Variants in CD44 observed in about 807,000 individuals in gnomAD.
CD44 encodes the protein CD44 antigen.
Under a neutral mutation model 88.8 loss-of-function variants are expected in CD44, and 49 were observed. That is an observed-to-expected ratio of 0.55 (90% CI 0.44 to 0.70). CD44 has a LOEUF of 0.70. Ranked by LOEUF, CD44 falls within the 30% of genes least tolerant of loss-of-function variation. The pLI is 0.00. For missense variants in CD44, 883 were observed against 913.8 expected (o/e 0.97, Z 0.43); for synonymous variants, 325 against 312.3 (o/e 1.04, Z -0.43).
chr11:35,189,980 C>A lies in CD44; in HGVS notation c.582C>A (p.Ile194=). 2 of 1,614,182 alleles carry A rather than the reference C, an allele frequency of 1.2e-6. No individual in the cohort carries two copies. Among genetic ancestry groups the A allele is most frequent in the South Asian group, 2.2e-5 (2 of 91,090 alleles). Residue 194 remains isoleucine (I), a synonymous_variant, in exon 5 of 18, where the codon ATC becomes ATA. Transcript: ENST00000428726. ...SERSSTSGGY[I]FYTFSTVHPI... ...GGAGCAGCACTTCAGGAGGTTACAT[C>A]TTTTACACCTTTTCTACTGTACACC...
At position 35,211,281 on chromosome 11, in the gene CD44, A is replaced by T; in HGVS notation, c.1642A>T (p.Asn548Tyr). ...TGTCACAGGTGGAAGAAGAGACCCA[A>T]ATCATTCTGAAGGCTCAACTACTTT... Reference protein sequence around the residue: ...NDVTGGRRDPNHSEGSTTLLE... With the variant: ...NDVTGGRRDPYHSEGSTTLLE... Residue 548 changes from asparagine (N) to tyrosine (Y), a missense_variant, in exon 14 of 18, where the codon AAT becomes TAT. Physicochemically the swap from Asn to Tyr is moderately radical, Grantham distance 143. Transcript: ENST00000428726. The T allele has an allele frequency of 1.9e-6, 3 of 1,613,964 alleles. No homozygotes were observed. Among genetic ancestry groups the T allele is most frequent in the Non-Finnish European group, 2.5e-6 (3 of 1,179,878 alleles).
intron 9 of CD44, 105 bp downstream of exon 9, chr11:35,201,892 C>T: frequency 1.7e-6 from 2 of 1,173,464 alleles, no homozygotes; most frequent in South Asian, 2.9e-5. Context: ...TCTATTTCCA[C>T]TCGGTAATTT....
chr11:35,161,221 T>C (rs1942556781), intron 1 of CD44, among the ~76,000 whole-genome samples: 1 of 152,158 alleles, frequency 6.6e-6, no homozygotes, highest in South Asian at 2.1e-4. Context: ...TGCTAAATGA[T>C]TTAGGTATAT....
chr11:35,191,647 C>T (rs1052614926), intron 5 of CD44, among the ~76,000 whole-genome samples: 1 of 152,170 alleles, frequency 6.6e-6, no homozygotes, highest in African/African-American at 2.4e-5. Context: ...TAGGTCTACC[C>T]TAAAGTACCA....
chr11:35,223,790 C>T (rs1334138050), intron 17 of CD44, among the ~76,000 whole-genome samples: 2 of 152,198 alleles, frequency 1.3e-5, no homozygotes, highest in Non-Finnish European at 2.9e-5. Context: ...AAGCTGTCAA[C>T]CCATTTCTAA....
At chr11:35,189,727 G>T (rs1490684983) in intron 4 of CD44, 108 bp from the exon 5 acceptor site, 1 of 754,480 alleles carries the variant, frequency 1.3e-6, no homozygotes, top group Non-Finnish European at 2.3e-6. Context: ...ATAGATAGGT[G>T]TTTCTCATTA....
rs3794110 is a variant in CD44 at position 35,170,667 on chromosome 11, G to A, written c.68-5908G>A. Among the ~76,000 whole-genome samples the A allele has an allele frequency of 0.16, 24,535 of 152,170 alleles. 1,980 individuals carry two copies. The highest frequency in any genetic ancestry group is 0.24 in the South Asian group (1,153 of 4,820). On this transcript the variant is annotated intron_variant, in intron 1 of 17. Coordinates refer to ENST00000428726, the MANE Select transcript of CD44 (RefSeq NM_000610.4). ...GAGGGCTCAACGGAAAACATTCTTG[G>A]TTTATTTCCAGCCAGAAAGGCTTGT...
chr11:35,218,821 C>T (rs1355250165), intron 15 of CD44: 1 of 155,622 alleles, frequency 6.4e-6, no homozygotes, highest in Non-Finnish European at 1.4e-5. Flanking sequence ...CTGAGAGCCA[C>T]ACTTTGAGTA....
Position 35,201,720 on chromosome 11 carries a change from A to G in CD44, c.1086A>G (p.Glu362=). Residue 362 remains glutamate, a synonymous_variant, in exon 9 of 18, where the codon GAA becomes GAG. Transcript: ENST00000428726. ...TTAYEGNWNP[E]AHPPLIHHEH... ...CTTATGAAGGAAACTGGAACCCAGA[A>G]GCACACCCTCCCCTCATTCACCATG... 4 of 1,613,882 alleles carry G rather than the reference A, an allele frequency of 2.5e-6. No homozygotes were observed. The highest frequency in any genetic ancestry group is 3.4e-6 in the Non-Finnish European group (4 of 1,179,778).
At chr11:35,195,092 G>T (rs540412055) in intron 5 of CD44, among the ~76,000 whole-genome samples, 3 of 152,342 alleles carry the variant, frequency 2.0e-5, no homozygotes, top group East Asian at 3.9e-4. Context: ...CTCCCTGGGT[G>T]TGTGGCTCTT....
chr11:35,181,893 TAA>T (rs1945093265), intron 3 of CD44, among the ~76,000 whole-genome samples: 1 of 75,768 alleles, frequency 1.3e-5, no homozygotes, highest in Non-Finnish European at 2.3e-5. Flanking sequence ...ATTCTATATA[TAA>T]TATAATATAT....
At chr11:35,174,886 A>T (rs1944292347) in intron 1 of CD44, among the ~76,000 whole-genome samples, 2 of 152,342 alleles carry the variant, frequency 1.3e-5, no homozygotes, top group African/African-American at 4.8e-5. Flanking sequence ...AGCAAGTAAA[A>T]GGCCCTTGCT....
chr11:35,220,359 G>A (rs1949192217), intron 16 of CD44, among the ~76,000 whole-genome samples: 1 of 149,228 alleles, frequency 6.7e-6, no homozygotes, highest in African/African-American at 2.4e-5. Context: ...CAGAAATCGG[G>A]CCCTCCTGTC....
intron 2 of CD44, among the ~76,000 whole-genome samples, chr11:35,178,324 G>A (rs1180044776): frequency 2.6e-5 from 4 of 152,210 alleles, no homozygotes; most frequent in African/African-American, 7.2e-5. Context: ...CTTAGATGCT[G>A]GGAGCCCTAC....
At chr11:35,210,272 G>T (rs1333945634) in intron 13 of CD44, 2 of 350,456 alleles carry the variant, frequency 5.7e-6, no homozygotes, top group Non-Finnish European at 5.1e-6. Flanking sequence ...TAAAAGTTGG[G>T]TTTCTTTCAC....
intron 1 of CD44, among the ~76,000 whole-genome samples, chr11:35,159,811 G>A (rs983468196): frequency 6.6e-6 from 1 of 152,194 alleles, no homozygotes; most frequent in Non-Finnish European, 1.5e-5. Flanking sequence ...TCAATTCAGA[G>A]CTCCTTCTCC....
At chr11:35,226,381 A>G (rs77542521) in intron 17 of CD44, among the ~76,000 whole-genome samples, 4,179 of 152,318 alleles carry the variant, frequency 0.027, 206 homozygotes, top group African/African-American at 0.096. Flanking sequence ...TACTTTAACT[A>G]GACAACTTTC....
intron 1 of CD44, among the ~76,000 whole-genome samples, chr11:35,173,799 CTT>C (rs148176807): frequency 1.3e-5 from 2 of 152,134 alleles, no homozygotes; most frequent in African/African-American, 4.8e-5. Flanking sequence ...AATAATGACT[CTT>C]TGTCATTATT....
At chr11:35,227,992 A>T (rs1316211974) in intron 17 of CD44, among the ~76,000 whole-genome samples, 1 of 152,206 alleles carries the variant, frequency 6.6e-6, no homozygotes, top group Admixed American at 6.5e-5. Flanking sequence ...AATTACAGAA[A>T]ATTACATGTA....
Sources: gnomAD v4.1 joint callset for allele counts (sites outside exome capture counted in the v4.1 genomes callset) on GRCh38, gnomAD v4.1.1 for gene constraint, MANE v1.5 for transcripts, NCBI Gene and HGNC (gene_info 2026-07-23, HGNC 2026-07-21) for gene names.